SHISA9: variants seen among roughly 807,000 people sequenced by gnomAD.
The protein encoded by SHISA9 is shisa family member 9.
Under a neutral mutation model 38.0 loss-of-function variants are expected in SHISA9, and 13 were observed. The observed-to-expected ratio is 0.34, with a 90% CI of 0.22 to 0.54. SHISA9 has a LOEUF of 0.54. Ranked by LOEUF, SHISA9 falls within the 20% of genes least tolerant of loss-of-function variation. SHISA9 has a pLI of 0.91. For synonymous variants in SHISA9, 275 were observed against 242.0 expected (o/e 1.14, Z -1.27); for missense variants, 538 against 575.8 (o/e 0.93, Z 0.67).
chr16:13,234,637 T>C (rs1344687523), intron 4 of SHISA9, among the ~76,000 whole-genome samples: 1 of 152,138 alleles, frequency 6.6e-6, no homozygotes, highest in African/African-American at 2.4e-5. Context: ...AGGTCATAGA[T>C]AGGAAGATCA....
chr16:12,908,999 C>T (rs1044028020), intron 1 of SHISA9: 5 of 1,002,506 alleles, frequency 5.0e-6, no homozygotes, highest in African/African-American at 1.7e-5. Context: ...ATGATAAATG[C>T]ACCTCCTCCT....
chr16:13,268,299 C>T, the SHISA9 span, among the ~76,000 whole-genome samples: 1 of 152,096 alleles, frequency 6.6e-6, no homozygotes, highest in Non-Finnish European at 1.5e-5. Flanking sequence ...CACTGGAGGT[C>T]AGGAGTTTGA....
At chr16:13,532,625 T>C in the SHISA9 span, among the ~76,000 whole-genome samples, 13 of 152,044 alleles carry the variant, frequency 8.6e-5, no homozygotes, top group Admixed American at 7.2e-4. Context: ...AGAGCAGTTA[T>C]TGTTTTTACC....
At chr16:12,970,195 A>G (rs1453219037) in intron 2 of SHISA9, among the ~76,000 whole-genome samples, 1 of 148,040 alleles carries the variant, frequency 6.8e-6, no homozygotes, top group African/African-American at 2.5e-5. Flanking sequence ...TCAATGACAG[A>G]TTTAGGGGGT....
chr16:12,926,042 CA>C (rs1345005793), intron 2 of SHISA9, among the ~76,000 whole-genome samples: 3 of 152,096 alleles, frequency 2.0e-5, no homozygotes, highest in Non-Finnish European at 2.9e-5. Context: ...TTGCTTCTCA[CA>C]ACATCTTCAT....
chr16:13,022,073 G>T (rs2072862301), intron 2 of SHISA9, among the ~76,000 whole-genome samples: 1 of 152,124 alleles, frequency 6.6e-6, no homozygotes, highest in Non-Finnish European at 1.5e-5. Flanking sequence ...GGGCTTGTGG[G>T]TGCATAATTC....
the SHISA9 span, among the ~76,000 whole-genome samples, chr16:13,498,260 G>C: frequency 2.0e-5 from 3 of 152,088 alleles, no homozygotes; most frequent in African/African-American, 7.2e-5. Flanking sequence ...TTTTTAAAAG[G>C]CTGCCTTTAA....
the SHISA9 span, among the ~76,000 whole-genome samples, chr16:13,552,714 G>C: frequency 6.6e-6 from 1 of 152,054 alleles, no homozygotes; most frequent in Non-Finnish European, 1.5e-5. Flanking sequence ...AGAATAATGA[G>C]ATTTTTTTTA....
chr16:13,537,976 T>G, the SHISA9 span, among the ~76,000 whole-genome samples: 1 of 152,224 alleles, frequency 6.6e-6, no homozygotes. Flanking sequence ...TTTTTGTATT[T>G]AATTTTGATG....
At chr16:13,019,788 CTTTCT>C (rs1567183809) in intron 2 of SHISA9, among the ~76,000 whole-genome samples, 1 of 131,628 alleles carries the variant, frequency 7.6e-6, no homozygotes, top group African/African-American at 2.9e-5. Context: ...TTCTTTCTTT[CTTTCT>C]TTCTTTCTTT....
chr16:13,154,778 G>C (rs1162269318), intron 2 of SHISA9, among the ~76,000 whole-genome samples: 1 of 152,242 alleles, frequency 6.6e-6, no homozygotes, highest in Non-Finnish European at 1.5e-5. Context: ...CCTGTAGAGA[G>C]TTAGGATTTC....
the SHISA9 span, among the ~76,000 whole-genome samples, chr16:13,405,199 G>A: frequency 6.6e-6 from 1 of 152,134 alleles, no homozygotes. Flanking sequence ...AATGAAATCT[G>A]GATTTAATCT....
At chr16:13,091,700 C>G (rs1222896027) in intron 2 of SHISA9, among the ~76,000 whole-genome samples, 1 of 152,170 alleles carries the variant, frequency 6.6e-6, no homozygotes, top group Non-Finnish European at 1.5e-5. Flanking sequence ...AGCCATTCGT[C>G]TAATCTTTTT....
chr16:13,282,834 A>T, the SHISA9 span, among the ~76,000 whole-genome samples: 2 of 151,636 alleles, frequency 1.3e-5, no homozygotes, highest in Non-Finnish European at 2.9e-5. Flanking sequence ...TTTTCATTTG[A>T]TTTTTTCTTG....
intron 1 of SHISA9, among the ~76,000 whole-genome samples, chr16:12,912,812 A>G (rs2071203748): frequency 6.6e-6 from 1 of 152,172 alleles, no homozygotes; most frequent in African/African-American, 2.4e-5. Context: ...GCTGATGGAC[A>G]CCTTGTCACG....
the SHISA9 span, among the ~76,000 whole-genome samples, chr16:13,467,403 C>G: frequency 6.6e-6 from 1 of 152,164 alleles, no homozygotes; most frequent in African/African-American, 2.4e-5. Context: ...CTGAGCCTGG[C>G]ACTAGCCACC....
intron 2 of SHISA9, among the ~76,000 whole-genome samples, chr16:13,080,233 C>T (rs1161457797): frequency 2.0e-5 from 3 of 152,088 alleles, no homozygotes; most frequent in Admixed American, 6.5e-5. Context: ...ATTAGCTGGG[C>T]GTGGTGGTGG....
At chr16:13,296,335 C>A in the SHISA9 span, among the ~76,000 whole-genome samples, 1 of 151,254 alleles carries the variant, frequency 6.6e-6, no homozygotes, top group Non-Finnish European at 1.5e-5. Context: ...TTTTTTAGCA[C>A]TTTATGTAAC....
chr16:13,488,761 T>C, the SHISA9 span, among the ~76,000 whole-genome samples: 1 of 152,214 alleles, frequency 6.6e-6, no homozygotes, highest in South Asian at 2.1e-4. Flanking sequence ...TTATTTTTAA[T>C]TTTAATTTTT....
Sources: allele counts gnomAD v4.1 joint callset (sites outside exome capture counted in the v4.1 genomes callset), GRCh38; gene constraint gnomAD v4.1.1; transcripts MANE v1.5; gene names NCBI Gene and HGNC (gene_info 2026-07-23, HGNC 2026-07-21).